The following GXYLT1 variants were observed in gnomAD, a reference collection of about 807,000 sequenced individuals.
The protein encoded by GXYLT1 is glycosyltransferase 8 domain containing 3.
Under a neutral mutation model 54.0 loss-of-function variants are expected in GXYLT1, and 29 were observed. That is an observed-to-expected ratio of 0.54 (90% CI 0.40 to 0.73). The LOEUF (loss-of-function observed/expected upper bound fraction) is 0.73, where lower values mean the gene tolerates loss of function less well. Ranked by LOEUF, GXYLT1 falls within the 30% of genes least tolerant of loss-of-function variation. The pLI is 0.00. For synonymous variants in GXYLT1, 176 were observed against 204.1 expected (o/e 0.86, Z 1.17); for missense variants, 490 against 553.4 (o/e 0.89, Z 1.15).
chr12:42,095,556 T>A (rs1315544316), intron 7 of GXYLT1, among the ~76,000 whole-genome samples: 1 of 152,118 alleles, frequency 6.6e-6, no homozygotes, highest in Non-Finnish European at 1.5e-5. Context: ...CATACATACA[T>A]CTGCTCATCT....
chr12:42,113,716 TCAA>T (rs1244629887), intron 3 of GXYLT1, among the ~76,000 whole-genome samples: 1 of 150,846 alleles, frequency 6.6e-6, no homozygotes, highest in Non-Finnish European at 1.5e-5. Context: ...ATTGGACAGA[TCAA>T]CGAGACAGAA....
At chr12:42,131,796 CAG>C (rs1041642657) in intron 1 of GXYLT1, among the ~76,000 whole-genome samples, 3 of 152,188 alleles carry the variant, frequency 2.0e-5, no homozygotes, top group Non-Finnish European at 2.9e-5. Flanking sequence ...TAACAACTAA[CAG>C]AGTTATTTTC....
At chr12:42,123,464 T>G (rs980808700) in intron 2 of GXYLT1, among the ~76,000 whole-genome samples, 5 of 152,160 alleles carry the variant, frequency 3.3e-5, no homozygotes, top group African/African-American at 1.2e-4. Flanking sequence ...CTTTGCATAT[T>G]TGAAATTTAT....
chr12:42,089,875 A>T (rs970427042), intron 7 of GXYLT1, among the ~76,000 whole-genome samples: 1 of 152,236 alleles, frequency 6.6e-6, no homozygotes, highest in African/African-American at 2.4e-5. Context: ...TGATACTTTC[A>T]AGAAATATTT....
chr12:42,130,143 T>C (rs2065586143), intron 1 of GXYLT1, among the ~76,000 whole-genome samples: 1 of 152,156 alleles, frequency 6.6e-6, no homozygotes, highest in Non-Finnish European at 1.5e-5. Context: ...CACAGACAAA[T>C]ATGTCTTCTA....
rs187298320 is a variant in GXYLT1 at position 42,106,721 on chromosome 12, A to C, written c.613-652T>G. Among the ~76,000 whole-genome samples, 516 of 151,588 alleles carry C rather than the reference A, an allele frequency of 3.4e-3. 1 individual carries two copies. Among genetic ancestry groups the C allele is most frequent in the Non-Finnish European group, 6.0e-3 (409 of 67,872 alleles). On this transcript the variant is annotated intron_variant, in intron 4 of 7. Transcript: ENST00000398675. ...ACATGTGCCTTCCCTGGGGAATTTT[A>C]AGGATAATTATTATTATTTTTCTTT...
chr12:42,140,104 C>T (rs1051755580), intron 1 of GXYLT1, among the ~76,000 whole-genome samples: 1 of 145,496 alleles, frequency 6.9e-6, no homozygotes, highest in African/African-American at 2.6e-5. Context: ...TGGCATGAAC[C>T]CGGGAGGCGG....
Position 42,110,984 on chromosome 12 carries a change from G to A in GXYLT1, c.487-1293C>T, listed in dbSNP as rs970581027. ...TATATGTTACACAAACAATAATTCA[G>A]CCAGGTGTAAACACAACACAGAGGC... On this transcript the variant is annotated intron_variant, in intron 3 of 7. Coordinates refer to ENST00000398675, the MANE Select transcript of GXYLT1 (RefSeq NM_173601.2). Among the ~76,000 whole-genome samples, 8 of 152,150 alleles carry A rather than the reference G, an allele frequency of 5.3e-5. No individual in the cohort carries two copies. The East Asian group carries it at 1.5e-3, about 29-fold the overall frequency.
intron 1 of GXYLT1, among the ~76,000 whole-genome samples, chr12:42,143,304 A>C (rs2065662067): frequency 6.6e-6 from 1 of 152,224 alleles, no homozygotes. Context: ...AGCTCATTCA[A>C]GTCTTCAGTG....
chr12:42,123,938 T>C (rs1346226030), intron 2 of GXYLT1, among the ~76,000 whole-genome samples: 2 of 146,662 alleles, frequency 1.4e-5, no homozygotes, highest in African/African-American at 2.5e-5. Flanking sequence ...CAACACATAA[T>C]GGACTAAAAG....
intron 3 of GXYLT1, among the ~76,000 whole-genome samples, chr12:42,111,091 A>G (rs1439546843): frequency 6.6e-6 from 1 of 152,226 alleles, no homozygotes; most frequent in Non-Finnish European, 1.5e-5. Flanking sequence ...GTCTATTACT[A>G]TTCTCTTAAC....
chr12:42,111,925 C>A (rs1249490579), intron 3 of GXYLT1, among the ~76,000 whole-genome samples: 1 of 152,210 alleles, frequency 6.6e-6, no homozygotes, highest in African/African-American at 2.4e-5. Flanking sequence ...GCCAGGTACT[C>A]CTCTGAGACA....
Position 42,097,599 on chromosome 12 carries a change from A to G in GXYLT1, c.1004T>C (p.Phe335Ser). The change falls in exon 7 of 8, where the codon TTT becomes TCT. Residue 335 changes from phenylalanine (F) to serine (S), a missense_variant. Physicochemically the swap from Phe to Ser is radical, Grantham distance 155. Coordinates refer to ENST00000398675, the MANE Select transcript of GXYLT1 (RefSeq NM_173601.2). ...TGGTCGATAATTCCATTGACACGGA[A>G]AAACAAAAAGGCTTTCTACATAAAG... is the stretch of plus-strand genomic sequence containing the variant. Reference protein sequence around the residue: ...FFHNPESLFVFPCQWNYRPDH... With the variant: ...FFHNPESLFVSPCQWNYRPDH... 6.2e-7 allele frequency: 1 copy of G among 1,607,762 alleles called. No homozygotes were observed. Among genetic ancestry groups the G allele is most frequent in the South Asian group, 1.1e-5 (1 of 89,482 alleles).
intron 3 of GXYLT1, among the ~76,000 whole-genome samples, chr12:42,111,829 G>A (rs1041842858): frequency 6.6e-6 from 1 of 152,156 alleles, no homozygotes; most frequent in Admixed American, 6.5e-5. Context: ...AGAACGGGCA[G>A]ACTGCCTCCT....
Position 42,097,458 on chromosome 12 carries a change from T to C in GXYLT1, c.1145A>G (p.Tyr382Cys), listed in dbSNP as rs1247525384. 1.3e-6 allele frequency: 2 copies of C among 1,582,470 alleles called. No homozygotes were observed. Among genetic ancestry groups the C allele is most frequent in the East Asian group, 2.3e-5 (1 of 44,136 alleles). ...DDKQPAFRAVYEALRNCSFED... is the reference protein window; with the variant it reads ...DDKQPAFRAVCEALRNCSFED... ...AAATCTTACATTTCTCAGTGCTTCATAAACAGCTCTAAATGCTGGTTGCTT... is the reference window on the plus strand; with the variant it reads ...AAATCTTACATTTCTCAGTGCTTCACAAACAGCTCTAAATGCTGGTTGCTT... Residue 382 changes from tyrosine to cysteine, a missense_variant, in exon 7 of 8, where the codon TAT (tyrosine) becomes TGT (cysteine). Tyr to Cys is a radical substitution (Grantham distance 194, BLOSUM62 -2). Around this residue, in one of 2 missense-constraint regions of GXYLT1, gnomAD observed 342 missense variants for 342.6 expected, o/e 1.00. Transcript: ENST00000398675.
At chr12:42,092,954 C>T (rs1305483356) in intron 7 of GXYLT1, among the ~76,000 whole-genome samples, 1 of 152,196 alleles carries the variant, frequency 6.6e-6, no homozygotes, top group African/African-American at 2.4e-5. Flanking sequence ...CTGCATGCGG[C>T]CCACTGGCCA....
intron 4 of GXYLT1, 96 bp from the exon 5 acceptor site, chr12:42,106,165 G>A (rs1438691363): frequency 1.3e-5 from 10 of 757,636 alleles, no homozygotes. Flanking sequence ...TAAGAGATTA[G>A]CTAATTTATA....
chr12:42,128,994 C>T (rs2065579267), intron 2 of GXYLT1, among the ~76,000 whole-genome samples: 1 of 152,118 alleles, frequency 6.6e-6, no homozygotes, highest in South Asian at 2.1e-4. Flanking sequence ...TTAAATGAAT[C>T]ATAAAGACGC....
chr12:42,114,078 C>A (rs1265866350), intron 3 of GXYLT1, among the ~76,000 whole-genome samples: 4 of 152,086 alleles, frequency 2.6e-5, no homozygotes, highest in African/African-American at 7.2e-5. Context: ...TCTTTGAAAC[C>A]AACCAGAACA....
Sources: gnomAD v4.1 joint callset for allele counts (sites outside exome capture counted in the v4.1 genomes callset) on GRCh38, gnomAD v4.1.1 for gene constraint, gnomAD v4.1.1 regional missense constraint, MANE v1.5 for transcripts, NCBI Gene and HGNC (gene_info 2026-07-23, HGNC 2026-07-21) for gene names.